CROCC: variants seen among roughly 807,000 people sequenced by gnomAD.
CROCC encodes the protein rootletin.
CROCC carries 180 observed loss-of-function variants against 245.2 expected under a neutral mutation model. The ratio of observed to expected loss-of-function variants is 0.73; its 90% CI spans 0.65 to 0.83. The LOEUF (loss-of-function observed/expected upper bound fraction) is 0.83. Ranked by LOEUF, CROCC falls within the 40% of genes least tolerant of loss-of-function variation. The probability of loss-of-function intolerance (pLI) is 0.00; values close to 1 mark genes in which losing one functional copy is unlikely to be tolerated. For synonymous variants in CROCC, 1,205 were observed against 1,241.6 expected, an observed-to-expected ratio of 0.97 and a Z score of 0.62; for missense variants, 2,688 against 2,779.4, an observed-to-expected ratio of 0.97 and a Z score of 0.74.
At chr1:16,969,973 T>G (rs1222697703) in intron 33 of CROCC, 39 bp downstream of exon 33, 2 of 1,540,870 alleles carry the variant, frequency 1.3e-6, no homozygotes, top group East Asian at 2.3e-5. Context: ...CCCAAGACTG[T>G]GAGGCCCTAG....
upstream of CROCC, among the ~76,000 whole-genome samples, chr1:16,921,138 G>T (rs1393769160): frequency 6.6e-6 from 1 of 152,286 alleles, no homozygotes; most frequent in Non-Finnish European, 1.5e-5. Flanking sequence ...TGCTGGGTAT[G>T]CACACACGAT....
Position 16,970,406 on chromosome 1 carries a change from C to G in CROCC, c.5605C>G (p.Leu1869Val). The G allele has an allele frequency of 3.7e-6, 6 of 1,604,900 alleles. No individual in the cohort carries two copies. Among genetic ancestry groups the G allele is most frequent in the Non-Finnish European group, 5.1e-6 (6 of 1,175,934 alleles). The change falls in exon 34 of 37, where the codon CTG becomes GTG. Residue 1869 changes from leucine to valine, a missense_variant. Leu to Val is a conservative substitution (Grantham distance 32). Around this residue, in one of 9 missense-constraint regions of CROCC, gnomAD observed 1,218 missense variants for 1,286.3 expected, o/e 0.95. Transcript: ENST00000375541. Reference sequence around the variant, plus strand: ...GAAGCGGGAGGTGGAGCGCTCAGCCCTGCGGCTGGAGAAGGACCGTGTAGC... The same window carrying G: ...GAAGCGGGAGGTGGAGCGCTCAGCCGTGCGGCTGGAGAAGGACCGTGTAGC... ...AEKREVERSA[L>V]RLEKDRVALR...
chr1:16,940,154 C>T (rs1570637215), intron 13 of CROCC, 61 bp downstream of exon 13: 1 of 1,517,668 alleles, frequency 6.6e-7, no homozygotes, highest in East Asian at 2.4e-5. Flanking sequence ...GGCATAACAC[C>T]AGTCAAGCCT....
chr1:16,967,858 C>T (rs895905096), intron 30 of CROCC, among the ~76,000 whole-genome samples: 12 of 152,186 alleles, frequency 7.9e-5, no homozygotes, highest in African/African-American at 2.9e-4. Context: ...TACAGCCCCT[C>T]CTCAGGGCTC....
chr1:16,942,245 G>A (rs578030679), intron 13 of CROCC, among the ~76,000 whole-genome samples: 11 of 152,312 alleles, frequency 7.2e-5, no homozygotes, highest in Admixed American at 2.0e-4. Context: ...TCCTGAGCCC[G>A]TCTCGGCCTC....
intron 19 of CROCC, among the ~76,000 whole-genome samples, chr1:16,950,503 G>A (rs141800555): frequency 3.9e-5 from 6 of 151,960 alleles, no homozygotes; most frequent in South Asian, 2.1e-4. Context: ...GACTACATAC[G>A]CCTGCCACCA....
chr1:16,929,295 C>T (rs113512453), intron 3 of CROCC, among the ~76,000 whole-genome samples: 2 of 152,394 alleles, frequency 1.3e-5, no homozygotes, highest in South Asian at 2.1e-4. Context: ...TATGCATAGA[C>T]AGATTGACAC....
chr1:16,960,248 A>G (rs1233374700), intron 26 of CROCC, among the ~76,000 whole-genome samples: 1 of 152,208 alleles, frequency 6.6e-6, no homozygotes, highest in Non-Finnish European at 1.5e-5. Context: ...CCTGGGTGAC[A>G]GAGCTAGACT....
chr1:16,958,446 G>C, intron 25 of CROCC, 137 bp from the exon 26 acceptor site: 1 of 1,065,782 alleles, frequency 9.4e-7, no homozygotes, highest in Middle Eastern at 3.1e-4. Context: ...TGGTTGTGTA[G>C]GGGCCGGCTC....
In CROCC at chr1:16,938,980, C is replaced by T; in HGVS notation, c.1446C>T (p.Gly482=). ...AGCGCACCGCGGATGCTTCCAACGGCAGCCTGCGGGGGCTCTCGGGCCAGC... is the reference window on the plus strand; with the variant it reads ...AGCGCACCGCGGATGCTTCCAACGGTAGCCTGCGGGGGCTCTCGGGCCAGC... ...GSERTADASN[G]SLRGLSGQRT... is the part of the protein sequence containing the mutation. The change falls in exon 12 of 37, where the codon GGC becomes GGT. Residue 482 remains glycine, a synonymous_variant. Coordinates refer to ENST00000375541, the MANE Select transcript of CROCC (RefSeq NM_014675.5). 6.2e-7 allele frequency: 1 copy of T among 1,605,392 alleles called. No individual in the cohort carries two copies. The highest frequency in any genetic ancestry group is 8.5e-7 in the Non-Finnish European group (1 of 1,177,372).
chr1:16,968,090 G>A (rs1425349910), intron 30 of CROCC, 113 bp from the exon 31 acceptor site: 35 of 1,077,560 alleles, frequency 3.2e-5, no homozygotes, highest in Middle Eastern at 3.0e-4. Context: ...CCCAGGTCAC[G>A]TAGGTCACCC....
chr1:16,932,599 G>T (rs546942732), intron 8 of CROCC, among the ~76,000 whole-genome samples: 140 of 152,276 alleles, frequency 9.2e-4, no homozygotes, highest in African/African-American at 2.9e-3. Context: ...TCAAGGGATG[G>T]GTAGGGTTGA....
At position 16,948,897 on chromosome 1, in the gene CROCC, C is replaced by T; in HGVS notation, c.2807C>T (p.Ala936Val). 1.2e-6 allele frequency: 2 copies of T among 1,611,518 alleles called. No individual in the cohort carries two copies. The highest frequency in any genetic ancestry group is 1.3e-5 in the African/African-American group (1 of 75,026). ...GAGCAGCTGGAAGCCGAGGGGCAGGCCCTGCTGCTGGCCAAGGAGACCCTG... is the reference window on the plus strand; with the variant it reads ...GAGCAGCTGGAAGCCGAGGGGCAGGTCCTGCTGCTGGCCAAGGAGACCCTG... ...RREQLEAEGQ[A>V]LLLAKETLTG... Residue 936 changes from alanine (A) to valine (V), a missense_variant, in exon 19 of 37, where the codon GCC (alanine) becomes GTC (valine). Transcript: ENST00000375541.
rs146435810 is a variant in CROCC at position 16,969,213 on chromosome 1, G to T, written c.5174G>T (p.Arg1725Leu). 3 of 1,610,978 alleles carry T rather than the reference G, an allele frequency of 1.9e-6. No individual in the cohort carries two copies. The highest frequency in any genetic ancestry group is 2.5e-6 in the Non-Finnish European group (3 of 1,177,890). ...GTGGAGGAAAGCGAGGGGGCCCTGC[G>T]GGACAAGGTGCGGGGCCTGACAGAG... ...AKVEESEGAL[R>L]DKVRGLTEAL... The change falls in exon 32 of 37, where the codon CGG becomes CTG. Residue 1725 changes from arginine to leucine, a missense_variant. Arg to Leu is a moderately radical substitution (Grantham distance 102). Coordinates refer to ENST00000375541, the MANE Select transcript of CROCC (RefSeq NM_014675.5).
intron 1 of CROCC, among the ~76,000 whole-genome samples, chr1:16,916,858 C>T (rs1353834148): frequency 6.6e-6 from 1 of 152,284 alleles, no homozygotes; most frequent in Non-Finnish European, 1.5e-5. Flanking sequence ...TGGCTCATGC[C>T]TATAATCCCA....
chr1:16,940,127 G>A, intron 13 of CROCC, 34 bp downstream of exon 13: 2 of 1,565,974 alleles, frequency 1.3e-6, no homozygotes, highest in Non-Finnish European at 1.7e-6. Context: ...GGGTACTGAA[G>A]AATAAGTCAC....
In CROCC at chr1:16,965,842, G is replaced by A. The variant is rs752211495; in HGVS notation, c.4525G>A (p.Gly1509Arg). 21 of 1,613,624 alleles carry A rather than the reference G, an allele frequency of 1.3e-5. No individual in the cohort carries two copies. The highest frequency in any genetic ancestry group is 1.7e-4 in the Middle Eastern group (1 of 6,060). ...AGACCTGGACCCGGAGGCAGTGCGCGGGGCCCTCCGGGAATTCCTGCAAGA... is the reference window on the plus strand; with the variant it reads ...AGACCTGGACCCGGAGGCAGTGCGCAGGGCCCTCCGGGAATTCCTGCAAGA... ...SPDLDPEAVR[G>R]ALREFLQELR... The change falls in exon 28 of 37, where the codon GGG becomes AGG. Residue 1509 changes from glycine (G) to arginine (R), a missense_variant. Gly to Arg is a moderately radical substitution (Grantham distance 125). Transcript: ENST00000375541.
chr1:16,964,137 A>AT (rs59284131), intron 27 of CROCC, among the ~76,000 whole-genome samples: 1,629 of 119,398 alleles, frequency 0.014, 24 homozygotes, highest in African/African-American at 0.025. Flanking sequence ...TTTTTTCTTT[A>AT]TTTTTTTTTT....
At position 16,922,531 on chromosome 1, in the gene CROCC, C is replaced by T. The variant is rs1282089862; in HGVS notation, c.61-132C>T. 3 of 1,332,914 alleles carry T rather than the reference C, an allele frequency of 2.3e-6. No homozygotes were observed. The African/African-American group carries it at 4.3e-5, about 19-fold the overall frequency. 82.6% of individuals were successfully genotyped at this position (1,332,914 alleles called of 1,614,324 possible). On this transcript the variant is annotated intron_variant, in intron 1 of 36. Coordinates refer to ENST00000375541, the MANE Select transcript of CROCC (RefSeq NM_014675.5). Reference sequence around the variant, plus strand: ...ATGGGGATTTTTTGGATTCTAACTCCCAGGCTTCACTCCATCTTGAGGGGG... The same window carrying T: ...ATGGGGATTTTTTGGATTCTAACTCTCAGGCTTCACTCCATCTTGAGGGGG...
Sources: gnomAD v4.1 joint callset for allele counts (sites outside exome capture counted in the v4.1 genomes callset) on GRCh38, gnomAD v4.1.1 for gene constraint, gnomAD v4.1.1 regional missense constraint, MANE v1.5 for transcripts, NCBI Gene and HGNC (gene_info 2026-07-23, HGNC 2026-07-21) for gene names.